The following ITGAD variants were observed in gnomAD, a reference collection of about 807,000 sequenced individuals.
ITGAD encodes integrin subunit alpha D.
Under a neutral mutation model 139.0 loss-of-function variants are expected in ITGAD, and 105 were observed. That is an observed-to-expected ratio of 0.76 (90% CI 0.65 to 0.89). The LOEUF (loss-of-function observed/expected upper bound fraction) is 0.89, where lower values mean the gene tolerates loss of function less well. Ranked by LOEUF, ITGAD falls within the 40% of genes least tolerant of loss-of-function variation. The pLI is 0.00. For synonymous variants in ITGAD, 569 were observed against 598.3 expected (o/e 0.95, Z 0.71); for missense variants, 1,384 against 1,487.3 (o/e 0.93, Z 1.14).
At chr16:31,424,317 G>A (rs1420571235) in intron 28 of ITGAD, 114 bp downstream of exon 28, 1 of 1,364,784 alleles carries the variant, frequency 7.3e-7, no homozygotes, top group Non-Finnish European at 1.0e-6. Flanking sequence ...AAGTCTCTGG[G>A]CAGGACAGCT....
rs772182857 is a variant in ITGAD at position 31,410,441 on chromosome 16, G to T, written c.1130G>T (p.Gly377Val). The T allele has an allele frequency of 6.2e-7, 1 of 1,614,014 alleles. No homozygotes were observed. Among genetic ancestry groups the T allele is most frequent in the Non-Finnish European group, 8.5e-7 (1 of 1,179,992 alleles). Reference protein sequence around the residue: ...GAVGSFSWSGGAFLYPPNMSP... With the variant: ...GAVGSFSWSGVAFLYPPNMSP... ...GTGGGGAGCTTTAGCTGGTCTGGAGGTGCCTTCCTGTATCCCCCAAATATG... is the reference window on the plus strand; with the variant it reads ...GTGGGGAGCTTTAGCTGGTCTGGAGTTGCCTTCCTGTATCCCCCAAATATG... Residue 377 changes from glycine (G) to valine (V), a missense_variant, in exon 11 of 30, where the codon GGT becomes GTT. Transcript: ENST00000389202.
At position 31,413,264 on chromosome 16, in the gene ITGAD, AG is replaced by A. The variant is rs927736897; in HGVS notation, c.1996+23del. The A allele has an allele frequency of 1.9e-6, 3 of 1,612,868 alleles. No individual in the cohort carries two copies. The highest frequency in any genetic ancestry group is 2.7e-5 in the African/African-American group (2 of 74,930). On this transcript the variant is annotated intron_variant, in intron 16 of 29. Coordinates refer to ENST00000389202, the MANE Select transcript of ITGAD (RefSeq NM_005353.3). ...CCAGCTAGGTGTGTTTCCCCCATAA[AG>A]GGGGCCCAGGCCCCTCATTCCATTA...
rs566170081 is a variant in ITGAD, at chr16:31,397,610, G to C, written c.256G>C (p.Val86Leu). The C allele has an allele frequency of 6.2e-7, 1 of 1,600,590 alleles. No homozygotes were observed. Among genetic ancestry groups the C allele is most frequent in the Non-Finnish European group, 8.5e-7 (1 of 1,176,432 alleles). Residue 86 changes from valine (V) to leucine (L), a missense_variant, in exon 4 of 30, where the codon GTG becomes CTG. Val to Leu is a conservative substitution (Grantham distance 32, BLOSUM62 1). Transcript: ENST00000389202. ...TGCCCTTGCAGTCCGCCCTGAGGCC[G>C]TGAACATGTCCTTGGGCCTGACCCT... ...PIPLHIRPEA[V>L]NMSLGLTLAA...
chr16:31,408,532 G>A, intron 10 of ITGAD, 34 bp downstream of exon 10: 1 of 1,584,468 alleles, frequency 6.3e-7, no homozygotes, highest in Non-Finnish European at 8.7e-7. Flanking sequence ...CATAGCTCTT[G>A]GATACCAACT....
rs149527933 is a variant in ITGAD at position 31,418,011 on chromosome 16, C to T, written c.2500-64C>T. ...TCCCTAGTGCTCTGCAGTGCCACCA[C>T]TGCTGTGTATCAAGCCCACACATGC... On this transcript the variant is annotated intron_variant, in intron 20 of 29. Coordinates refer to ENST00000389202, the MANE Select transcript of ITGAD (RefSeq NM_005353.3). The T allele has an allele frequency of 1.8e-3, 2,262 of 1,287,342 alleles. 3 individuals are homozygous for T. Among genetic ancestry groups the T allele is most frequent in the Non-Finnish European group, 2.1e-3 (1,848 of 886,408 alleles). The allele number at this position is 1,287,342 out of a possible 1,614,324, so 79.7% of individuals were successfully genotyped here. A position where few individuals can be genotyped will look rare whatever the true frequency, so the allele number is the denominator to read the frequency against.
chr16:31,403,535 C>T lies in ITGAD; in HGVS notation c.594C>T (p.Ile198=). The T allele has an allele frequency of 1.2e-6, 2 of 1,614,196 alleles. No individual in the cohort carries two copies. The highest frequency in any genetic ancestry group is 1.7e-6 in the Non-Finnish European group (2 of 1,180,028). Reference sequence around the variant, plus strand: ...TGCAGTACTCAAACCTCCTGAAGATCCACTTCACCTTCACCCAATTCCGGA... The same window carrying T: ...TGCAGTACTCAAACCTCCTGAAGATTCACTTCACCTTCACCCAATTCCGGA... ...ALMQYSNLLK[I]HFTFTQFRTS... Residue 198 remains isoleucine (I), a synonymous_variant, in exon 7 of 30, where the codon ATC becomes ATT. Transcript: ENST00000389202. The surrounding 1 kb of genome is among the most constrained non-coding windows in gnomAD (Gnocchi z 4.4).
At position 31,397,629 on chromosome 16, in the gene ITGAD, T is replaced by C; in HGVS notation, c.275T>C (p.Leu92Pro). Residue 92 changes from leucine to proline, a missense_variant, in exon 4 of 30, where the codon CTG becomes CCG. Transcript: ENST00000389202. ...GAGGCCGTGAACATGTCCTTGGGCC[T>C]GACCCTGGCAGCCTCCACCAACGGC... is the stretch of plus-strand genomic sequence containing the variant. Reference protein sequence around the residue: ...RPEAVNMSLGLTLAASTNGSR... With the variant: ...RPEAVNMSLGPTLAASTNGSR... 6.7e-7 allele frequency: 1 copy of C among 1,493,474 alleles called. No individual in the cohort carries two copies. Among genetic ancestry groups the C allele is most frequent in the East Asian group, 2.9e-5 (1 of 34,536 alleles). The allele number at this position is 1,493,474 out of a possible 1,614,324, so 92.5% of individuals were successfully genotyped here.
At chr16:31,419,946 G>A (rs965773135) in intron 23 of ITGAD, among the ~76,000 whole-genome samples, 1 of 151,656 alleles carries the variant, frequency 6.6e-6, no homozygotes, top group Admixed American at 6.6e-5. Context: ...CTCTCAAATC[G>A]ACTTGCTGGT....
At chr16:31,415,693 C>T (rs376457999) in intron 18 of ITGAD, among the ~76,000 whole-genome samples, 1 of 152,180 alleles carries the variant, frequency 6.6e-6, no homozygotes, top group Non-Finnish European at 1.5e-5. Flanking sequence ...CTTCTCTCCC[C>T]GTTTTCCCCC....
chr16:31,408,453 C>A lies in ITGAD; in HGVS notation c.1038C>A (p.Phe346Leu). The A allele has an allele frequency of 6.2e-7, 1 of 1,614,094 alleles. No homozygotes were observed. Among genetic ancestry groups the A allele is most frequent in the Non-Finnish European group, 8.5e-7 (1 of 1,179,982 alleles). Reference sequence around the variant, plus strand: ...CCCAGTCCAGGGCAAGCAGCTCCTTCCAGCACGAGATGTCCCAAGAAGGCT... The same window carrying A: ...CCCAGTCCAGGGCAAGCAGCTCCTTACAGCACGAGATGTCCCAAGAAGGCT... Reference protein sequence around the residue: ...EGTQSRASSSFQHEMSQEGFS... With the variant: ...EGTQSRASSSLQHEMSQEGFS... The change falls in exon 10 of 30, where the codon TTC becomes TTA. Residue 346 changes from phenylalanine to leucine, a missense_variant. By Grantham distance (22) the Phe-to-Leu change is conservative. Transcript: ENST00000389202.
Position 31,413,257 on chromosome 16 carries a change from C to CACCTCCAT in ITGAD, c.1996+11_1996+12insACCTCCAT. 1 of 1,613,544 alleles carries CACCTCCAT rather than the reference C, an allele frequency of 6.2e-7. No individual in the cohort carries two copies. Among genetic ancestry groups the CACCTCCAT allele is most frequent in the Admixed American group, 1.7e-5 (1 of 59,924 alleles). On this transcript the variant is annotated intron_variant, in intron 16 of 29. Transcript: ENST00000389202. ...CACTGGACCAGCTAGGTGTGTTTCC[C>CACCTCCAT]CCATAAAGGGGGCCCAGGCCCCTCA...
chr16:31,407,979 C>CT (rs373208127), intron 9 of ITGAD, 63 bp downstream of exon 9: 23,508 of 1,133,520 alleles, frequency 0.021, 1 homozygote, highest in South Asian at 0.024. Context: ...CCCGTGCAGG[C>CT]TTTTTTTTTT....
chr16:31,424,648 A>T, intron 29 of ITGAD, 71 bp downstream of exon 29: 1 of 1,018,298 alleles, frequency 9.8e-7, no homozygotes, highest in Non-Finnish European at 1.4e-6. Context: ...CCCAGGCTGG[A>T]GTGCAATGGC....
chr16:31,421,750 G>A (rs1023778232), intron 23 of ITGAD, among the ~76,000 whole-genome samples: 2 of 152,098 alleles, frequency 1.3e-5, no homozygotes, highest in African/African-American at 4.8e-5. Flanking sequence ...ACGTGAAGTG[G>A]CTTGCCTCAG....
intron 23 of ITGAD, among the ~76,000 whole-genome samples, chr16:31,422,105 AT>A (rs537741434): frequency 3.6e-3 from 496 of 137,240 alleles, no homozygotes; most frequent in Admixed American, 4.6e-3. Context: ...TAATGTTTGT[AT>A]TTTTTTTTTT....
At chr16:31,415,652 C>T (rs190738719) in intron 18 of ITGAD, among the ~76,000 whole-genome samples, 81 of 152,264 alleles carry the variant, frequency 5.3e-4, no homozygotes, top group African/African-American at 1.7e-3. Context: ...GTCCCTGTTT[C>T]GCCCCTCACT....
At chr16:31,401,759 G>A (rs1243946122) in intron 5 of ITGAD, among the ~76,000 whole-genome samples, 6 of 152,244 alleles carry the variant, frequency 3.9e-5, no homozygotes, top group Admixed American at 3.9e-4. Context: ...CAATTAGCAC[G>A]TGGCTGAGCT....
At chr16:31,407,321 T>G (rs1046604620) in intron 7 of ITGAD, among the ~76,000 whole-genome samples, 194 bp from the exon 8 acceptor site, 1 of 152,126 alleles carries the variant, frequency 6.6e-6, no homozygotes, top group African/African-American at 2.4e-5. Context: ...GCCACTGCAC[T>G]CCAGAGCCTG....
intron 2 of ITGAD, 126 bp from the exon 3 acceptor site, chr16:31,397,233 G>C: frequency 1.5e-6 from 1 of 659,812 alleles, no homozygotes; most frequent in Non-Finnish European, 2.7e-6. Flanking sequence ...CTGCCAAGTG[G>C]CAAATGCCAG....
Sources: gnomAD v4.1 joint callset for allele counts (sites outside exome capture counted in the v4.1 genomes callset) on GRCh38, gnomAD v4.1.1 for gene constraint, Gnocchi (gnomAD v3.1) non-coding constraint, MANE v1.5 for transcripts, NCBI Gene and HGNC (gene_info 2026-07-23, HGNC 2026-07-21) for gene names.